The following TENT4B variants were observed in gnomAD, a reference collection of about 807,000 sequenced individuals.
TENT4B encodes the protein terminal nucleotidyltransferase 4B.
TENT4B carries 10 observed loss-of-function variants against 75.0 expected under a neutral mutation model. The observed-to-expected ratio is 0.13, with a 90% CI of 0.08 to 0.23. The LOEUF (loss-of-function observed/expected upper bound fraction) is 0.23, where lower values mean the gene tolerates loss of function less well. Among genes scored for constraint, TENT4B ranks in the 10% least tolerant of loss-of-function variants. The probability of loss-of-function intolerance (pLI) is 1.00; values close to 1 mark genes in which losing one functional copy is unlikely to be tolerated. For missense variants in TENT4B, 579 were observed against 893.8 expected (o/e 0.65, Z 4.49); for synonymous variants, 350 against 357.7 (o/e 0.98, Z 0.24).
chr16:50,181,217 T>C (rs2038408712), intron 1 of TENT4B, among the ~76,000 whole-genome samples: 1 of 152,222 alleles, frequency 6.6e-6, no homozygotes, highest in Non-Finnish European at 1.5e-5. Context: ...ATATTTATAT[T>C]GTTGGAGAGT....
rs2032346771 is a variant in TENT4B at position 50,233,179 on chromosome 16, G to A, written c.*3851G>A. 2.0e-6 allele frequency: 2 copies of A among 984,534 alleles called. No homozygotes were observed. The highest frequency in any genetic ancestry group is 2.4e-6 in the Non-Finnish European group (2 of 829,280). The allele number at this position is 984,534 out of a possible 1,614,324, so 61.0% of individuals were successfully genotyped here. On this transcript the variant is annotated 3_prime_UTR_variant, in exon 12 of 12. Transcript: ENST00000561678. ...TTTCATCAGGGTCATAGTTCATCTA[G>A]TAAAATATTTAGAGAATGATGTTAA...
At chr16:50,162,850 C>T (rs1248103152) in intron 1 of TENT4B, among the ~76,000 whole-genome samples, 2 of 152,062 alleles carry the variant, frequency 1.3e-5, no homozygotes, top group Non-Finnish European at 2.9e-5. Flanking sequence ...AGAGTCCTGT[C>T]TTTTCATATG....
At chr16:50,197,101 C>T (rs943466293) in intron 1 of TENT4B, among the ~76,000 whole-genome samples, 1 of 148,762 alleles carries the variant, frequency 6.7e-6, no homozygotes, top group African/African-American at 2.5e-5. Context: ...AGCAAGACCC[C>T]ATCTCTAAAA....
At position 50,217,637 on chromosome 16, in the gene TENT4B, G is replaced by T; in HGVS notation, c.1012G>T (p.Ala338Ser). ...TAATGTACAGAATGGCGTGAGAGCA[G>T]CTGACCTCATCAAAGATTTTACCAA... Reference protein sequence around the residue: ...SFNVQNGVRAADLIKDFTKKY... With the variant: ...SFNVQNGVRASDLIKDFTKKY... Residue 338 changes from alanine to serine, a missense_variant, in exon 5 of 12, where the codon GCT becomes TCT. By Grantham distance (99) the Ala-to-Ser change is moderately conservative (BLOSUM62 1). Around this residue, in one of 7 missense-constraint regions of TENT4B, gnomAD observed 55 missense variants for 77.1 expected, o/e 0.71. Transcript: ENST00000561678. The T allele has an allele frequency of 6.5e-7, 1 of 1,531,352 alleles. No homozygotes were observed. The highest frequency in any genetic ancestry group is 1.4e-5 in the African/African-American group (1 of 71,770). The allele number at this position is 1,531,352 out of a possible 1,614,324, so 94.9% of individuals were successfully genotyped here.
At chr16:50,227,715 C>T (rs2032116399) in intron 10 of TENT4B, 124 bp from the exon 11 acceptor site, 1 of 1,051,818 alleles carries the variant, frequency 9.5e-7, no homozygotes, top group East Asian at 2.6e-5. Flanking sequence ...TTGTGTGCTT[C>T]TTTTAACTCC....
Position 50,154,011 on chromosome 16 carries a change from C to T in TENT4B, c.390C>T (p.Ser130=), listed in dbSNP as rs758595780. The change falls in exon 1 of 12, where the codon TCC becomes TCT. Residue 130 remains serine, a synonymous_variant. Coordinates refer to ENST00000561678, the MANE Select transcript of TENT4B (RefSeq NM_001365324.3). ...CCCGCCGGGCGGGCTCCTCGGCGTC[C>T]TCGCCTCCCTCGGCGTCCTCGTCCC... ...AWARRAGSSA[S]SPPSASSSPH... is the part of the protein sequence containing the mutation. The T allele has an allele frequency of 4.6e-6, 7 of 1,533,720 alleles. No individual in the cohort carries two copies. In the South Asian group the frequency reaches 7.2e-5, roughly 16 times the overall value.
intron 1 of TENT4B, among the ~76,000 whole-genome samples, chr16:50,178,105 A>G (rs184455862): frequency 6.2e-5 from 8 of 129,428 alleles, no homozygotes; most frequent in African/African-American, 1.7e-4. Context: ...ATTCTTTTCA[A>G]TTTGTTAAGG....
At position 50,194,297 on chromosome 16, in the gene TENT4B, C is replaced by A. The variant is rs544009934; in HGVS notation, c.639-17026C>A. On this transcript the variant is annotated intron_variant, in intron 1 of 11. Coordinates refer to ENST00000561678, the MANE Select transcript of TENT4B (RefSeq NM_001365324.3). Reference sequence around the variant, plus strand: ...ATGGTGCAATCTCAGTTCACTGCAACCTCTGCCTCTCGGGTTCAAGCGATT... The same window carrying A: ...ATGGTGCAATCTCAGTTCACTGCAAACTCTGCCTCTCGGGTTCAAGCGATT... Among the ~76,000 whole-genome samples the A allele has an allele frequency of 2.0e-5, 3 of 149,814 alleles. No individual in the cohort carries two copies. The East Asian group carries it at 6.0e-4, about 30-fold the overall frequency.
chr16:50,162,334 G>GT (rs2038017523), intron 1 of TENT4B, among the ~76,000 whole-genome samples: 1 of 152,160 alleles, frequency 6.6e-6, no homozygotes, highest in Admixed American at 6.5e-5. Context: ...ATGCCCAAAT[G>GT]TTTGGATTGT....
In TENT4B at chr16:50,192,879, T is replaced by A. The variant is rs549262649; in HGVS notation, c.639-18444T>A. On this transcript the variant is annotated intron_variant, in intron 1 of 11. Transcript: ENST00000561678. ...GGTGGATTGCTGGAGCCCAGGAGCTTGAGATCAGCCTGAGCAATGTGATGA... is the reference window on the plus strand; with the variant it reads ...GGTGGATTGCTGGAGCCCAGGAGCTAGAGATCAGCCTGAGCAATGTGATGA... 7.2e-5 allele frequency among the ~76,000 whole-genome samples: 11 copies of A among 152,136 alleles called. No individual in the cohort carries two copies. The East Asian group carries it at 2.1e-3, about 29-fold the overall frequency.
chr16:50,153,119 G>C (rs1356911843), upstream of TENT4B: 1 of 1,132,386 alleles, frequency 8.8e-7, no homozygotes, highest in South Asian at 2.1e-5. Context: ...GTGACGCACG[G>C]CGAGGCCTCC....
chr16:50,154,446 T>G lies in TENT4B; in HGVS notation c.638+187T>G, dbSNP rs2037849129. 2.0e-5 allele frequency among the ~76,000 whole-genome samples: 3 copies of G among 150,832 alleles called. No homozygotes were observed. In the South Asian group the frequency reaches 6.5e-4, roughly 32 times the overall value. On this transcript the variant is annotated intron_variant, in intron 1 of 11. Coordinates refer to ENST00000561678, the MANE Select transcript of TENT4B (RefSeq NM_001365324.3). Reference sequence around the variant, plus strand: ...CGTTCACACCTTTCCCCAAGCCTCCTTAGCCGTCCACACCCTCCGTCTCCT... The same window carrying G: ...CGTTCACACCTTTCCCCAAGCCTCCGTAGCCGTCCACACCCTCCGTCTCCT...
intron 1 of TENT4B, among the ~76,000 whole-genome samples, chr16:50,194,098 G>A (rs1032240499): frequency 6.6e-6 from 1 of 152,122 alleles, no homozygotes; most frequent in African/African-American, 2.4e-5. Context: ...GTGTGTTCAA[G>A]TGAGATCTGT....
At chr16:50,205,816 CCT>C (rs1401644296) in intron 1 of TENT4B, among the ~76,000 whole-genome samples, 3 of 151,868 alleles carry the variant, frequency 2.0e-5, no homozygotes, top group Non-Finnish European at 4.4e-5. Context: ...GTCTGAAACT[CCT>C]GACATCAAGT....
At chr16:50,228,043 C>G (rs773734844) in intron 11 of TENT4B, 40 bp downstream of exon 11, 86 of 1,582,950 alleles carry the variant, frequency 5.4e-5, no homozygotes, top group Non-Finnish European at 6.5e-5. Flanking sequence ...GTATTTGATA[C>G]AAAATATTTA....
At chr16:50,218,380 G>A (rs1169182233) in intron 5 of TENT4B, among the ~76,000 whole-genome samples, 1 of 150,866 alleles carries the variant, frequency 6.6e-6, no homozygotes, top group Non-Finnish European at 1.5e-5. Flanking sequence ...TCTGTCACCC[G>A]GGCTGGAGTG....
chr16:50,219,903 C>T (rs753700270), intron 5 of TENT4B, among the ~76,000 whole-genome samples: 2 of 151,744 alleles, frequency 1.3e-5, no homozygotes, highest in African/African-American at 2.4e-5. Flanking sequence ...ACTGCAGCCT[C>T]GGCTTCTTGG....
intron 5 of TENT4B, among the ~76,000 whole-genome samples, chr16:50,221,683 T>C (rs2031833486): frequency 6.6e-6 from 1 of 152,222 alleles, no homozygotes; most frequent in Non-Finnish European, 1.5e-5. Context: ...CTATTCTCTG[T>C]TTACAAATGA....
Position 50,183,272 on chromosome 16 carries a change from G to A in TENT4B, c.639-28051G>A, listed in dbSNP as rs564070341. On this transcript the variant is annotated intron_variant, in intron 1 of 11. Transcript: ENST00000561678. ...TTGGTCAGGCTGGTCTCAAACTCCC[G>A]ACCTCAGGTGATCCACCCACCTGAG... 1.1e-4 allele frequency among the ~76,000 whole-genome samples: 16 copies of A among 151,948 alleles called. No homozygotes were observed. In the East Asian group the frequency reaches 2.1e-3, roughly 20 times the overall value.
Sources: gnomAD v4.1 joint callset for allele counts (sites outside exome capture counted in the v4.1 genomes callset) on GRCh38, gnomAD v4.1.1 for gene constraint, gnomAD v4.1.1 regional missense constraint, MANE v1.5 for transcripts, NCBI Gene and HGNC (gene_info 2026-07-23, HGNC 2026-07-21) for gene names.